Variants in EPHA4 observed in about 807,000 individuals in gnomAD.
EPHA4 encodes EPH receptor A4.
EPHA4 carries 19 observed loss-of-function variants against 108.3 expected under a neutral mutation model. The ratio of observed to expected loss-of-function variants is 0.18; its 90% CI spans 0.12 to 0.26. The LOEUF is 0.26. EPHA4 is among the 10% of genes least tolerant of loss of function. The pLI is 1.00. For missense variants in EPHA4, 917 were observed against 1,254.0 expected (o/e 0.73, Z 4.06); for synonymous variants, 449 against 455.5 (o/e 0.99, Z 0.18).
chr2:221,524,142 A>G (rs955038699), intron 3 of EPHA4, among the ~76,000 whole-genome samples: 2 of 152,180 alleles, frequency 1.3e-5, no homozygotes, highest in African/African-American at 4.8e-5. Flanking sequence ...GAAGTAGCGG[A>G]GCAGAAGTCA....
intron 5 of EPHA4, among the ~76,000 whole-genome samples, chr2:221,460,440 A>G (rs1375459450): frequency 6.6e-6 from 1 of 152,222 alleles, no homozygotes; most frequent in Non-Finnish European, 1.5e-5. Flanking sequence ...ATGGCTGCAA[A>G]GTCTAAATTC....
At chr2:221,496,215 T>C (rs1034821475) in intron 4 of EPHA4, among the ~76,000 whole-genome samples, 1 of 152,156 alleles carries the variant, frequency 6.6e-6, no homozygotes, top group Non-Finnish European at 1.5e-5. Flanking sequence ...TGTTGGAACG[T>C]CTACTACAGT....
In EPHA4 at chr2:221,563,789, T is replaced by A. The variant is rs147498966; in HGVS notation, c.765A>T (p.Val255=). Residue 255 remains valine (V), a synonymous_variant, in exon 3 of 18, where the codon GTA becomes GTT. Coordinates refer to ENST00000281821, the MANE Select transcript of EPHA4 (RefSeq NM_004438.5). ...CGTTGCATAGGCAGTTGCCAATGGG[T>A]ACCAGCCATTCACCATCTGCCCCAC... ...MYCGADGEWL[V]PIGNCLCNAG... is the part of the protein sequence containing the mutation. 8.0e-5 allele frequency: 129 copies of A among 1,614,238 alleles called. No individual in the cohort carries two copies. The African/African-American group carries it at 1.5e-3, about 19-fold the overall frequency.
intron 8 of EPHA4, among the ~76,000 whole-genome samples, chr2:221,449,529 G>A (rs1559245628): frequency 6.6e-6 from 1 of 152,228 alleles, no homozygotes; most frequent in East Asian, 1.9e-4. Context: ...AGCCGCAGGA[G>A]TTGGAGAAAA....
intron 17 of EPHA4, among the ~76,000 whole-genome samples, chr2:221,423,660 T>C (rs16862636): frequency 0.16 from 23,746 of 152,126 alleles, 2,051 homozygotes; most frequent in African/African-American, 0.2. Context: ...GTATATAATG[T>C]TGTTAGGCTA....
intron 15 of EPHA4, 111 bp from the exon 16 acceptor site, chr2:221,426,730 G>A (rs767017832): frequency 1.4e-5 from 13 of 941,558 alleles, no homozygotes; most frequent in Non-Finnish European, 1.9e-5. Flanking sequence ...CTAAGGGAAG[G>A]TTTTAAATGG....
chr2:221,467,537 TC>T (rs1243140998), intron 5 of EPHA4, among the ~76,000 whole-genome samples: 1 of 152,208 alleles, frequency 6.6e-6, no homozygotes, highest in Admixed American at 6.5e-5. Flanking sequence ...CATACAGCAA[TC>T]CTTACTCTTT....
rs1053801002 is a variant in EPHA4, at chr2:221,527,806, G to T, written c.824-26634C>A. Among the ~76,000 whole-genome samples, 4 of 152,146 alleles carry T rather than the reference G, an allele frequency of 2.6e-5. 1 individual carries two copies. The highest frequency in any genetic ancestry group is 9.7e-5 in the African/African-American group (4 of 41,426). ...ACAGAAGAGGAAATTGAGGAACAAA[G>T]AGATGAGGGAACTTATCTGTCACAT... On this transcript the variant is annotated intron_variant, in intron 3 of 17. Transcript: ENST00000281821.
chr2:221,505,310 C>T, intron 3 of EPHA4, among the ~76,000 whole-genome samples: 1 of 151,828 alleles, frequency 6.6e-6, no homozygotes, highest in South Asian at 2.1e-4. Context: ...TTTAATTTCA[C>T]CTTTAAAATT....
At chr2:221,452,336 C>T (rs959686751) in intron 8 of EPHA4, among the ~76,000 whole-genome samples, 3 of 152,238 alleles carry the variant, frequency 2.0e-5, no homozygotes, top group Non-Finnish European at 2.9e-5. Context: ...ATACTACTGG[C>T]TGAAGTCTGG....
chr2:221,559,134 A>G (rs1432017201), intron 3 of EPHA4, among the ~76,000 whole-genome samples: 2 of 152,212 alleles, frequency 1.3e-5, no homozygotes, highest in Non-Finnish European at 2.9e-5. Context: ...TTCTTTAAAA[A>G]GCTTTTAATA....
At chr2:221,548,898 T>C (rs1694081594) in intron 3 of EPHA4, among the ~76,000 whole-genome samples, 1 of 152,094 alleles carries the variant, frequency 6.6e-6, no homozygotes, top group Admixed American at 6.6e-5. Flanking sequence ...AAGGGCAGGT[T>C]TTGGCCTGTC....
intron 5 of EPHA4, among the ~76,000 whole-genome samples, chr2:221,478,085 A>T (rs7566787): frequency 0.51 from 77,897 of 151,562 alleles, 20,356 homozygotes; most frequent in Non-Finnish European, 0.56. Context: ...GGGGGTTGGG[A>T]CCATAATGAT....
At chr2:221,495,224 A>G (rs1225911785) in intron 4 of EPHA4, among the ~76,000 whole-genome samples, 2 of 152,248 alleles carry the variant, frequency 1.3e-5, no homozygotes, top group Admixed American at 1.3e-4. Context: ...CAGATGAAGT[A>G]TTCCATTTCC....
chr2:221,435,124 C>T (rs1466270464), intron 13 of EPHA4, among the ~76,000 whole-genome samples: 1 of 152,152 alleles, frequency 6.6e-6, no homozygotes, highest in Non-Finnish European at 1.5e-5. Context: ...GGTTTCTTTG[C>T]TTTCTTAGGT....
At chr2:221,491,796 G>A (rs567598154) in intron 4 of EPHA4, among the ~76,000 whole-genome samples, 3 of 152,004 alleles carry the variant, frequency 2.0e-5, no homozygotes, top group Admixed American at 1.3e-4. Flanking sequence ...ATAGGAATAG[G>A]GCGAGGGGCA....
At chr2:221,450,287 A>G (rs1480687480) in intron 8 of EPHA4, among the ~76,000 whole-genome samples, 1 of 152,182 alleles carries the variant, frequency 6.6e-6, no homozygotes, top group Non-Finnish European at 1.5e-5. Flanking sequence ...CACAGGCTGA[A>G]CCATAACTGT....
At chr2:221,549,856 T>C (rs1694108539) in intron 3 of EPHA4, among the ~76,000 whole-genome samples, 1 of 152,192 alleles carries the variant, frequency 6.6e-6, no homozygotes, top group African/African-American at 2.4e-5. Flanking sequence ...CCAGTCATGG[T>C]GGCATGTGCC....
At chr2:221,569,988 C>T (rs1463371689) in intron 1 of EPHA4, among the ~76,000 whole-genome samples, 4 of 151,936 alleles carry the variant, frequency 2.6e-5, no homozygotes, top group African/African-American at 9.7e-5. Flanking sequence ...CGCCCCCTTC[C>T]CTCCTCTCCT....
Sources: allele counts gnomAD v4.1 joint callset (sites outside exome capture counted in the v4.1 genomes callset), GRCh38; gene constraint gnomAD v4.1.1; transcripts MANE v1.5; gene names NCBI Gene and HGNC (gene_info 2026-07-23, HGNC 2026-07-21).